The following XKR9 variants were observed in gnomAD, a reference collection of about 807,000 sequenced individuals.
The protein encoded by XKR9 is XK related 9.
A neutral mutation model predicts 32.0 loss-of-function variants in XKR9; 32 were observed. The ratio of observed to expected loss-of-function variants is 1.00; its 90% CI spans 0.76 to 1.34. The LOEUF is 1.34. XKR9 is among the 40% of genes most tolerant of loss of function. The pLI is 0.00. For synonymous variants in XKR9, 168 were observed against 143.4 expected (o/e 1.17, Z -1.22); for missense variants, 546 against 429.7 (o/e 1.27, Z -2.39).
the XKR9 span, among the ~76,000 whole-genome samples, chr8:70,996,293 T>G: frequency 6.6e-6 from 1 of 152,200 alleles, no homozygotes; most frequent in East Asian, 1.9e-4. Context: ...TTATAAAAAT[T>G]ATGTAACAGC....
At chr8:70,770,747 G>T (rs958596720) in intron 2 of XKR9, among the ~76,000 whole-genome samples, 1 of 152,162 alleles carries the variant, frequency 6.6e-6, no homozygotes, top group Non-Finnish European at 1.5e-5. Flanking sequence ...CCTCAGTAAT[G>T]GTGGACACCC....
chr8:70,985,122 A>T, the XKR9 span, among the ~76,000 whole-genome samples: 3 of 152,246 alleles, frequency 2.0e-5, no homozygotes, highest in African/African-American at 7.2e-5. Context: ...ATGATATTTA[A>T]TATGAAAACA....
the XKR9 span, among the ~76,000 whole-genome samples, chr8:70,908,380 A>G: frequency 2.7e-4 from 41 of 152,252 alleles, no homozygotes; most frequent in East Asian, 5.4e-3. Context: ...TGTCAATATA[A>G]CCCTCTAAAT....
At chr8:70,764,301 T>G (rs1807346554) in intron 2 of XKR9, among the ~76,000 whole-genome samples, 3 of 152,140 alleles carry the variant, frequency 2.0e-5, no homozygotes. Flanking sequence ...TGCAATGGAG[T>G]CCCAAAGGGC....
chr8:70,919,954 AG>A, the XKR9 span, among the ~76,000 whole-genome samples: 1 of 152,206 alleles, frequency 6.6e-6, no homozygotes, highest in East Asian at 1.9e-4. Flanking sequence ...TTTATTTGAG[AG>A]GTCTTGGAGA....
chr8:70,747,706 T>C (rs1287455238), intron 2 of XKR9, among the ~76,000 whole-genome samples: 1 of 152,212 alleles, frequency 6.6e-6, no homozygotes, highest in Non-Finnish European at 1.5e-5. Flanking sequence ...GGTAGAGTCT[T>C]AGATACCTTT....
chr8:70,687,422 A>G (rs1819337907), intron 3 of XKR9, among the ~76,000 whole-genome samples: 1 of 149,768 alleles, frequency 6.7e-6, no homozygotes, highest in African/African-American at 2.5e-5. Flanking sequence ...CTTTCTAAAT[A>G]GAGACAGGCT....
chr8:70,811,724 T>C, the XKR9 span, among the ~76,000 whole-genome samples: 2 of 152,130 alleles, frequency 1.3e-5, no homozygotes, highest in African/African-American at 4.8e-5. Context: ...ACATACACAC[T>C]CCCAAGACTA....
chr8:71,005,534 A>G, the XKR9 span, among the ~76,000 whole-genome samples: 1 of 152,112 alleles, frequency 6.6e-6, no homozygotes, highest in Non-Finnish European at 1.5e-5. Flanking sequence ...CAGTTTTCTT[A>G]TCTGTAAAGC....
rs550619596 is a variant in XKR9, at chr8:70,755,753, C to G, written n.353-33586C>G. 3.4e-3 allele frequency among the ~76,000 whole-genome samples: 348 copies of G among 103,512 alleles called. 4 individuals are homozygous for G. Among genetic ancestry groups the G allele is most frequent in the African/African-American group, 0.013 (323 of 24,984 alleles). The allele number at this position is 103,512 out of a possible 152,430, so 67.9% of individuals were successfully genotyped here. A position where few individuals can be genotyped will look rare whatever the true frequency, so the allele number is the denominator to read the frequency against. On this transcript the variant is annotated intron_variant and non_coding_transcript_variant, in intron 2 of 3. Coordinates refer to the XKR9 transcript ENST00000520273. Reference sequence around the variant, plus strand: ...GAAGGGGAACACCACACTCTGGTGACTGTTGTGGGGTGGGGGGAGGGGGGG... The same window carrying G: ...GAAGGGGAACACCACACTCTGGTGAGTGTTGTGGGGTGGGGGGAGGGGGGG...
chr8:70,936,489 A>C, the XKR9 span, among the ~76,000 whole-genome samples: 1 of 152,090 alleles, frequency 6.6e-6, no homozygotes, highest in Admixed American at 6.6e-5. Flanking sequence ...GGGAGAACTT[A>C]GATGCAATAC....
intron 3 of XKR9, among the ~76,000 whole-genome samples, chr8:70,692,806 C>T (rs1472247835): frequency 1.3e-5 from 2 of 152,046 alleles, no homozygotes; most frequent in African/African-American, 2.4e-5. Context: ...TCTCAAACTC[C>T]CGACCTCAGG....
the XKR9 span, among the ~76,000 whole-genome samples, chr8:71,057,029 G>C: frequency 1.3e-5 from 2 of 152,060 alleles, no homozygotes; most frequent in Non-Finnish European, 2.9e-5. Flanking sequence ...CACCTTGCTG[G>C]CCATGAAAGA....
chr8:70,763,356 G>T (rs1246560513), intron 2 of XKR9, among the ~76,000 whole-genome samples: 1 of 152,136 alleles, frequency 6.6e-6, no homozygotes. Context: ...ATAGAGCAGG[G>T]ATCATCCAGC....
the XKR9 span, among the ~76,000 whole-genome samples, chr8:70,857,713 T>G: frequency 8.2e-4 from 125 of 152,292 alleles, 3 homozygotes; most frequent in East Asian, 0.022. Flanking sequence ...GTAAAAATCC[T>G]CAATAAAATA....
the XKR9 span, among the ~76,000 whole-genome samples, chr8:70,948,216 C>T: frequency 6.6e-6 from 1 of 152,054 alleles, no homozygotes; most frequent in African/African-American, 2.4e-5. Flanking sequence ...TCACAACAGG[C>T]ATCATTCGTG....
At chr8:70,976,317 G>A in the XKR9 span, among the ~76,000 whole-genome samples, 7 of 152,170 alleles carry the variant, frequency 4.6e-5, no homozygotes, top group Admixed American at 1.3e-4. Context: ...TTTTCAAAGG[G>A]AATGCTTCCA....
chr8:70,756,845 CTTGT>C (rs1353725009), intron 2 of XKR9, among the ~76,000 whole-genome samples: 9 of 151,906 alleles, frequency 5.9e-5, no homozygotes, highest in African/African-American at 1.2e-4. Flanking sequence ...ATTTCTTTTC[CTTGT>C]TTAATGCCAT....
chr8:70,814,217 G>C, the XKR9 span, among the ~76,000 whole-genome samples: 15 of 151,940 alleles, frequency 9.9e-5, no homozygotes, highest in Admixed American at 6.6e-4. Flanking sequence ...ACCGCATGTT[G>C]TCACTCATAG....
Sources: allele counts gnomAD v4.1 joint callset (sites outside exome capture counted in the v4.1 genomes callset), GRCh38; gene constraint gnomAD v4.1.1; transcripts MANE v1.5; gene names NCBI Gene and HGNC (gene_info 2026-07-23, HGNC 2026-07-21).